NSMCE1: variants seen among roughly 807,000 people sequenced by gnomAD.
NSMCE1 encodes NSE1 component of SMC5/6 complex.
Under a neutral mutation model 29.6 loss-of-function variants are expected in NSMCE1, and 18 were observed. That is an observed-to-expected ratio of 0.61 (90% CI 0.42 to 0.90). The LOEUF is 0.90. Among genes scored for constraint, NSMCE1 ranks in the 40% least tolerant of loss-of-function variants. The probability of loss-of-function intolerance (pLI) is 0.00; values close to 1 mark genes in which losing one functional copy is unlikely to be tolerated. For synonymous variants in NSMCE1, 124 were observed against 133.4 expected (o/e 0.93, Z 0.49); for missense variants, 314 against 343.6 (o/e 0.91, Z 0.68).
chr16:27,264,943 T>C (rs1015577394), intron 1 of NSMCE1, among the ~76,000 whole-genome samples: 1 of 151,966 alleles, frequency 6.6e-6, no homozygotes, highest in African/African-American at 2.4e-5. Flanking sequence ...GAAACACAAC[T>C]GTAAAAGAGA....
chr16:27,235,252 T>C lies in NSMCE1; in HGVS notation c.184A>G (p.Ser62Gly), dbSNP rs1418151199. ...KLEDFINNIN[S>G]VLESLYIEIK... ...TCAATATACAAGGACTCCAAGACAC[T>C]GTTAATGTTGTTGATGAAGTCCTCC... is the stretch of plus-strand genomic sequence containing the variant. Residue 62 changes from serine (S) to glycine (G), a missense_variant, in exon 3 of 8, where the codon AGT becomes GGT. Ser to Gly is a moderately conservative substitution (Grantham distance 56). Coordinates refer to ENST00000361439, the MANE Select transcript of NSMCE1 (RefSeq NM_145080.4). 1.2e-6 allele frequency: 2 copies of C among 1,613,458 alleles called. No individual in the cohort carries two copies. The highest frequency in any genetic ancestry group is 1.7e-6 in the Non-Finnish European group (2 of 1,179,542).
rs1463720265 is a variant in NSMCE1 at position 27,225,791 on chromosome 16, T to C, written c.656A>G (p.Tyr219Cys). The C allele has an allele frequency of 1.2e-6, 2 of 1,614,036 alleles. No individual in the cohort carries two copies. Among genetic ancestry groups the C allele is most frequent in the Non-Finnish European group, 1.7e-6 (2 of 1,180,028 alleles). ...GCGCGGTTCAGCATTCGACTGGAAG[T>C]ACTTGGCCACGCAGGGTAAGTGCAT... ...IRMHLPCVAK[Y>C]FQSNAEPRCP... Residue 219 changes from tyrosine to cysteine, a missense_variant, in exon 7 of 8, where the codon TAC (tyrosine) becomes TGC (cysteine). Coordinates refer to ENST00000361439, the MANE Select transcript of NSMCE1 (RefSeq NM_145080.4).
At chr16:27,235,432 CTTGGGTGAA>C in intron 2 of NSMCE1, 133 bp from the exon 3 acceptor site, 1 of 922,282 alleles carries the variant, frequency 1.1e-6, no homozygotes, top group Non-Finnish European at 1.6e-6. Flanking sequence ...GCTGCAGCCT[CTTGGGTGAA>C]CGCCAATGCC....
At position 27,234,187 on chromosome 16, in the gene NSMCE1, C is replaced by T. The variant is rs754527620; in HGVS notation, c.336+1G>A. On this transcript the variant is annotated splice_donor_variant, in intron 4 of 7. Coordinates refer to ENST00000361439, the MANE Select transcript of NSMCE1 (RefSeq NM_145080.4). LOFTEE classifies it high-confidence loss of function. ...TGGGCAATGGGGATTACTCTACTTA[C>T]AGCCTTTCTAAACAAATCCAGTTCA... 1.9e-6 allele frequency: 3 copies of T among 1,605,090 alleles called. No homozygotes were observed. The highest frequency in any genetic ancestry group is 1.3e-5 in the African/African-American group (1 of 74,774).
At chr16:27,238,624 C>G (rs1370099142) in intron 2 of NSMCE1, among the ~76,000 whole-genome samples, 1 of 151,708 alleles carries the variant, frequency 6.6e-6, no homozygotes, top group Non-Finnish European at 1.5e-5. Flanking sequence ...TTCAGGGAAC[C>G]AGAAAGCAGA....
intron 2 of NSMCE1, 26 bp downstream of exon 2, chr16:27,257,409 C>G (rs772475967): frequency 1.0e-5 from 16 of 1,592,012 alleles, no homozygotes; most frequent in Non-Finnish European, 1.4e-5. Context: ...ACCAGAGCGC[C>G]CTGGGAACAG....
intron 2 of NSMCE1, among the ~76,000 whole-genome samples, chr16:27,237,474 C>T (rs530092635): frequency 6.6e-6 from 1 of 152,344 alleles, no homozygotes; most frequent in African/African-American, 2.4e-5. Flanking sequence ...TCCGTACCTG[C>T]CTGTGCCAGT....
intron 4 of NSMCE1, among the ~76,000 whole-genome samples, chr16:27,233,366 A>G (rs2083782390): frequency 6.6e-6 from 1 of 152,190 alleles, no homozygotes; most frequent in Admixed American, 6.5e-5. Context: ...CATCCTCCCA[A>G]ATAAATCATC....
At chr16:27,238,027 G>A (rs973739909) in intron 2 of NSMCE1, among the ~76,000 whole-genome samples, 14 of 152,084 alleles carry the variant, frequency 9.2e-5, no homozygotes, top group African/African-American at 9.7e-5. Context: ...TGTTTCTCAC[G>A]GAGGCCCCGC....
rs936892380 is a variant in NSMCE1, at chr16:27,232,521, C to T, written c.483+480G>A. On this transcript the variant is annotated intron_variant, in intron 5 of 7. Transcript: ENST00000361439. This position sits in a 1 kb window ranked among gnomAD's most constrained non-coding sequence, Gnocchi z 4.5. ...ACCAATTCCTCTGCCGCCTCCCCCG[C>T]GAGCCAGCCAGCCTAGCACCGAGCA... is the stretch of plus-strand genomic sequence containing the variant. Among the ~76,000 whole-genome samples the T allele has an allele frequency of 2.0e-5, 3 of 152,216 alleles. No homozygotes were observed. The highest frequency in any genetic ancestry group is 4.4e-5 in the Non-Finnish European group (3 of 68,040).
intron 2 of NSMCE1, among the ~76,000 whole-genome samples, chr16:27,237,033 A>G (rs1035098352): frequency 5.9e-5 from 9 of 152,332 alleles, no homozygotes; most frequent in African/African-American, 2.2e-4. Flanking sequence ...ACCCAGGCCA[A>G]TGAGCTCTGT....
intron 1 of NSMCE1, among the ~76,000 whole-genome samples, chr16:27,260,803 G>A (rs2084146546): frequency 7.1e-6 from 1 of 141,604 alleles, no homozygotes; most frequent in Non-Finnish European, 1.5e-5. Context: ...AGGCTGCAGT[G>A]AACCGTGATC....
chr16:27,245,623 A>T (rs894031000), intron 2 of NSMCE1, among the ~76,000 whole-genome samples: 2 of 152,266 alleles, frequency 1.3e-5, no homozygotes, highest in Non-Finnish European at 2.9e-5. Context: ...TTGTGGTTAC[A>T]GAGCTTCTTG....
At chr16:27,265,161 CTTTTTTTTTTT>C (rs5816427) in intron 1 of NSMCE1, among the ~76,000 whole-genome samples, 1 of 82,672 alleles carries the variant, frequency 1.2e-5, no homozygotes, top group East Asian at 3.6e-4. Context: ...AATTCTTTTC[CTTTTTTTTTTT>C]TTTTTTTTTT....
chr16:27,259,923 C>T (rs752432932), intron 1 of NSMCE1, among the ~76,000 whole-genome samples: 6 of 152,092 alleles, frequency 3.9e-5, no homozygotes, highest in Non-Finnish European at 7.4e-5. Flanking sequence ...AATTCTATAA[C>T]GAGCTGAAGA....
At chr16:27,255,160 G>A (rs2084073549) in intron 2 of NSMCE1, among the ~76,000 whole-genome samples, 1 of 152,000 alleles carries the variant, frequency 6.6e-6, no homozygotes, top group Admixed American at 6.6e-5. Context: ...GATTACAGGT[G>A]TGAGCCACCA....
chr16:27,234,367 C>T, intron 3 of NSMCE1, 102 bp from the exon 4 acceptor site: 2 of 798,276 alleles, frequency 2.5e-6, no homozygotes. Flanking sequence ...TGGCCAGTCA[C>T]TGAGCTCCTG....
At chr16:27,267,970 G>C (rs1008011975) in intron 1 of NSMCE1, among the ~76,000 whole-genome samples, 3 of 151,998 alleles carry the variant, frequency 2.0e-5, no homozygotes, top group South Asian at 4.1e-4. Context: ...TTCGAACTCC[G>C]AACCTCAGGT....
intron 1 of NSMCE1, 152 bp downstream of exon 1, chr16:27,268,554 G>C (rs1002371218): frequency 1.3e-5 from 2 of 152,136 alleles, no homozygotes; most frequent in African/African-American, 4.8e-5. Context: ...GAAACCCCAA[G>C]ACCCCAGTCC....
Sources: allele counts gnomAD v4.1 joint callset (sites outside exome capture counted in the v4.1 genomes callset), GRCh38; gene constraint gnomAD v4.1.1; non-coding constraint Gnocchi (gnomAD v3.1); transcripts MANE v1.5; gene names NCBI Gene and HGNC (gene_info 2026-07-23, HGNC 2026-07-21).